The following MGAT4C variants were observed in gnomAD, a reference collection of about 807,000 sequenced individuals.
MGAT4C encodes the protein alpha-1,3-mannosyl-glycoprotein 4-beta-N-acetylglucosaminyltransferase C.
MGAT4C carries 19 observed loss-of-function variants against 40.1 expected under a neutral mutation model. That is an observed-to-expected ratio of 0.47 (90% CI 0.33 to 0.70). The LOEUF (loss-of-function observed/expected upper bound fraction) is 0.70, where lower values mean the gene tolerates loss of function less well. MGAT4C is among the 30% of genes least tolerant of loss of function. The pLI is 0.02. For missense variants in MGAT4C, 491 were observed against 563.2 expected (o/e 0.87, Z 1.30); for synonymous variants, 181 against 187.1 (o/e 0.97, Z 0.27).
chr12:86,457,809 C>A (rs781699144), intron 2 of MGAT4C, among the ~76,000 whole-genome samples: 4 of 151,922 alleles, frequency 2.6e-5, no homozygotes, highest in Non-Finnish European at 4.4e-5. Context: ...TTTAGTAGAA[C>A]CTTGTTAAGA....
intron 2 of MGAT4C, among the ~76,000 whole-genome samples, chr12:86,703,566 A>G (rs749539103): frequency 3.3e-5 from 5 of 152,204 alleles, no homozygotes; most frequent in Non-Finnish European, 7.3e-5. Flanking sequence ...TTAGCAATAA[A>G]GTATTTTTTA....
intron 3 of MGAT4C, among the ~76,000 whole-genome samples, chr12:86,394,218 T>TAGCC (rs1294776622): frequency 6.6e-6 from 1 of 152,082 alleles, no homozygotes; most frequent in Non-Finnish European, 1.5e-5. Context: ...AAACAACATA[T>TAGCC]AGCCATATGG....
chr12:86,777,873 A>C (rs1470906681), intron 1 of MGAT4C, among the ~76,000 whole-genome samples: 1 of 152,192 alleles, frequency 6.6e-6, no homozygotes, highest in African/African-American at 2.4e-5. Context: ...TCCATCTCCT[A>C]TATATACGCA....
At chr12:86,005,062 A>G (rs369356960) in intron 2 of MGAT4C, among the ~76,000 whole-genome samples, 1 of 152,290 alleles carries the variant, frequency 6.6e-6, no homozygotes, top group East Asian at 1.9e-4. Flanking sequence ...ATCAGATCAC[A>G]CCTCGTTACC....
chr12:86,180,171 C>G (rs552569108), intron 1 of MGAT4C, among the ~76,000 whole-genome samples: 1 of 152,308 alleles, frequency 6.6e-6, no homozygotes, highest in African/African-American at 2.4e-5. Context: ...CAAGCCTTGG[C>G]AGCTTTCACA....
At chr12:86,367,843 C>CA (rs371276962) in intron 3 of MGAT4C, among the ~76,000 whole-genome samples, 12 of 149,174 alleles carry the variant, frequency 8.0e-5, no homozygotes, top group Middle Eastern at 3.4e-3. Context: ...ACAACAACAA[C>CA]AAAAAAAACA....
intron 1 of MGAT4C, among the ~76,000 whole-genome samples, chr12:86,100,873 A>AAGAT (rs1328945405): frequency 6.6e-6 from 1 of 151,582 alleles, no homozygotes; most frequent in South Asian, 2.1e-4. Flanking sequence ...AGGGAGGAAA[A>AAGAT]AGATAGACTA....
At chr12:86,040,677 C>A (rs1407594811) in intron 2 of MGAT4C, among the ~76,000 whole-genome samples, 1 of 152,124 alleles carries the variant, frequency 6.6e-6, no homozygotes, top group Non-Finnish European at 1.5e-5. Flanking sequence ...GTGAATGATT[C>A]TGTCTCACTA....
At chr12:86,731,479 T>C (rs1950906862) in intron 1 of MGAT4C, among the ~76,000 whole-genome samples, 1 of 152,146 alleles carries the variant, frequency 6.6e-6, no homozygotes, top group African/African-American at 2.4e-5. Context: ...TCTTGAGTCT[T>C]TTGTTGAATC....
At chr12:86,278,837 A>G (rs1488403652) in intron 4 of MGAT4C, among the ~76,000 whole-genome samples, 2 of 152,070 alleles carry the variant, frequency 1.3e-5, no homozygotes, top group African/African-American at 4.8e-5. Flanking sequence ...TTGTTGTGTT[A>G]AGCTATATTC....
At chr12:86,327,678 A>G (rs952197492) in intron 4 of MGAT4C, among the ~76,000 whole-genome samples, 5 of 152,170 alleles carry the variant, frequency 3.3e-5, no homozygotes, top group African/African-American at 9.6e-5. Context: ...AAAGATACAC[A>G]ATGATATTGT....
intron 3 of MGAT4C, among the ~76,000 whole-genome samples, chr12:86,358,963 T>G (rs1955385393): frequency 6.6e-6 from 1 of 152,214 alleles, no homozygotes; most frequent in African/African-American, 2.4e-5. Context: ...AACTCAGCTC[T>G]GCACCAGGTA....
intron 2 of MGAT4C, among the ~76,000 whole-genome samples, chr12:86,636,859 A>T (rs1325491011): frequency 6.6e-6 from 1 of 152,018 alleles, no homozygotes; most frequent in Non-Finnish European, 1.5e-5. Flanking sequence ...TTACATGGTC[A>T]ATATTATAAA....
rs1167116635 is a variant in MGAT4C, at chr12:86,454,277, G to A, written c.-228-19012C>T. 2.0e-5 allele frequency among the ~76,000 whole-genome samples: 3 copies of A among 151,958 alleles called. No homozygotes were observed. In the East Asian group the frequency reaches 5.8e-4, roughly 29 times the overall value. On this transcript the variant is annotated intron_variant, in intron 2 of 7. Transcript: ENST00000548651. Reference sequence around the variant, plus strand: ...GGGTCTCACCCTGTTGTCCAGGCTGGAATGCAGTGGCATGATCACCACTCA... The same window carrying A: ...GGGTCTCACCCTGTTGTCCAGGCTGAAATGCAGTGGCATGATCACCACTCA...
intron 1 of MGAT4C, among the ~76,000 whole-genome samples, chr12:86,745,671 G>A (rs1286904143): frequency 1.3e-5 from 2 of 151,638 alleles, no homozygotes; most frequent in Non-Finnish European, 3.0e-5. Context: ...TAATAATCAT[G>A]TTTTGATTAA....
At chr12:86,349,855 T>C (rs544543128) in intron 3 of MGAT4C, among the ~76,000 whole-genome samples, 1 of 152,238 alleles carries the variant, frequency 6.6e-6, no homozygotes, top group East Asian at 1.9e-4. Context: ...TCTGGAATTG[T>C]TAAATTTATC....
intron 1 of MGAT4C, among the ~76,000 whole-genome samples, chr12:86,069,100 T>C (rs1476202374): frequency 6.6e-6 from 1 of 151,844 alleles, no homozygotes; most frequent in Non-Finnish European, 1.5e-5. Flanking sequence ...AAAACAGTCA[T>C]GTGAGTCCTT....
chr12:86,489,527 A>T (rs1029215058), intron 2 of MGAT4C, among the ~76,000 whole-genome samples: 1 of 152,218 alleles, frequency 6.6e-6, no homozygotes, highest in Non-Finnish European at 1.5e-5. Context: ...ACACACTGCT[A>T]TCTGTGGACA....
rs1956286701 is a variant in MGAT4C, at chr12:86,397,774, A to G, written c.-120+37383T>C. ...CCAGGTATTTGAGACTAGCCTGGGC[A>G]AAATAAGAGAAAGCCATCTCCACAA... On this transcript the variant is annotated intron_variant, in intron 3 of 7. Coordinates refer to the MGAT4C transcript ENST00000548651. Among the ~76,000 whole-genome samples, 3 of 152,132 alleles carry G rather than the reference A, an allele frequency of 2.0e-5. No individual in the cohort carries two copies. The South Asian group carries it at 6.2e-4, about 31-fold the overall frequency.
Sources: allele counts gnomAD v4.1 joint callset (sites outside exome capture counted in the v4.1 genomes callset), GRCh38; gene constraint gnomAD v4.1.1; transcripts MANE v1.5; gene names NCBI Gene and HGNC (gene_info 2026-07-23, HGNC 2026-07-21).